The following AGMO variants were observed in gnomAD, a reference collection of about 807,000 sequenced individuals.
AGMO encodes the protein alkylglycerol monooxygenase, also known as glyceryl-ether monooxygenase.
Under a neutral mutation model 60.2 loss-of-function variants are expected in AGMO, and 75 were observed. The ratio of observed to expected loss-of-function variants is 1.25; its 90% CI spans 1.03 to 1.51. The LOEUF (loss-of-function observed/expected upper bound fraction) is 1.51, where lower values mean the gene tolerates loss of function less well. Ranked by LOEUF, AGMO falls within the 40% of genes most tolerant of loss-of-function variation. AGMO has a pLI of 0.00. For synonymous variants in AGMO, 261 were observed against 177.1 expected (o/e 1.47, Z -3.76); for missense variants, 763 against 525.5 (o/e 1.45, Z -4.42).
At chr7:15,432,379 T>TATATATATATATATATATAC (rs373845365) in intron 3 of AGMO, among the ~76,000 whole-genome samples, 29 of 136,170 alleles carry the variant, frequency 2.1e-4, no homozygotes, top group Middle Eastern at 4.0e-3. Flanking sequence ...CATATATATA[T>TATATATATATATATATATAC]ACACTATCTG....
At chr7:15,520,922 A>T (rs1323902987) in intron 3 of AGMO, among the ~76,000 whole-genome samples, 1 of 152,156 alleles carries the variant, frequency 6.6e-6, no homozygotes, top group East Asian at 1.9e-4. Flanking sequence ...AGATTTTTTG[A>T]AAAGATTAAC....
the AGMO span, among the ~76,000 whole-genome samples, chr7:15,169,931 T>C: frequency 2.6e-5 from 4 of 152,226 alleles, no homozygotes; most frequent in African/African-American, 4.8e-5. Flanking sequence ...TAATTCCCTA[T>C]TCCATTAACA....
At chr7:15,376,004 T>G (rs1783437360) in intron 10 of AGMO, among the ~76,000 whole-genome samples, 1 of 152,122 alleles carries the variant, frequency 6.6e-6, no homozygotes, top group Non-Finnish European at 1.5e-5. Flanking sequence ...TTTATCAATG[T>G]ATTTAAATGT....
At chr7:15,384,722 A>G (rs1488005640) in intron 10 of AGMO, among the ~76,000 whole-genome samples, 2 of 151,342 alleles carry the variant, frequency 1.3e-5, no homozygotes, top group East Asian at 1.9e-4. Flanking sequence ...CCTACTTACA[A>G]TTTAGTTACC....
intron 10 of AGMO, among the ~76,000 whole-genome samples, chr7:15,368,017 G>A (rs987751234): frequency 6.6e-6 from 1 of 151,764 alleles, no homozygotes; most frequent in African/African-American, 2.4e-5. Flanking sequence ...CATCTCTCAC[G>A]GCCAACTTCC....
Position 15,358,391 on chromosome 7 carries a change from T to C in AGMO, c.1263+7123A>G, listed in dbSNP as rs756126257. On this transcript the variant is annotated intron_variant, in intron 12 of 12. Transcript: ENST00000342526. ...AGACGAGATGATAACGTGGAAAGGA[T>C]AATAAGAAGGCATAATAATTAGATT... 1.1e-5 allele frequency: 5 copies of C among 471,128 alleles called. 1 individual carries two copies. Among genetic ancestry groups the C allele is most frequent in the South Asian group, 4.7e-5 (3 of 64,478 alleles). The allele number at this position is 471,128 out of a possible 1,614,324, so 29.2% of individuals were successfully genotyped here. A position where few individuals can be genotyped will look rare whatever the true frequency, so the allele number is the denominator to read the frequency against.
intron 3 of AGMO, among the ~76,000 whole-genome samples, chr7:15,541,466 T>C (rs1172767683): frequency 6.6e-6 from 1 of 152,190 alleles, no homozygotes; most frequent in Non-Finnish European, 1.5e-5. Context: ...AAAGCTACTT[T>C]TTAAATTTAA....
At chr7:15,266,053 T>G (rs1317691233) in intron 12 of AGMO, among the ~76,000 whole-genome samples, 1 of 152,120 alleles carries the variant, frequency 6.6e-6, no homozygotes, top group Non-Finnish European at 1.5e-5. Flanking sequence ...TCGATATAAT[T>G]GCACTTATAT....
chr7:15,268,697 T>G (rs563386870), intron 12 of AGMO, among the ~76,000 whole-genome samples: 1 of 152,106 alleles, frequency 6.6e-6, no homozygotes, highest in African/African-American at 2.4e-5. Flanking sequence ...AGTTGTTCTT[T>G]TTTTAAAAAA....
intron 3 of AGMO, among the ~76,000 whole-genome samples, chr7:15,472,069 A>G (rs1375867647): frequency 2.0e-5 from 3 of 151,832 alleles, no homozygotes; most frequent in African/African-American, 7.2e-5. Context: ...TTTTTGATGA[A>G]AACGTTTTGA....
chr7:15,466,107 C>G (rs940813148), intron 3 of AGMO, among the ~76,000 whole-genome samples: 1 of 152,154 alleles, frequency 6.6e-6, no homozygotes, highest in Non-Finnish European at 1.5e-5. Flanking sequence ...AGCCTACTCT[C>G]TAGCCACTGA....
chr7:15,293,007 C>T (rs1479751872), intron 12 of AGMO, among the ~76,000 whole-genome samples: 1 of 152,000 alleles, frequency 6.6e-6, no homozygotes, highest in Non-Finnish European at 1.5e-5. Flanking sequence ...AGGTGATCAG[C>T]CCTACTTGGC....
intron 12 of AGMO, among the ~76,000 whole-genome samples, chr7:15,307,372 G>A (rs1285610735): frequency 6.6e-6 from 1 of 151,934 alleles, no homozygotes; most frequent in African/African-American, 2.4e-5. Context: ...TATAAATATA[G>A]TTCAAAATAT....
chr7:15,382,508 G>A (rs1215263807), intron 10 of AGMO, among the ~76,000 whole-genome samples: 3 of 152,156 alleles, frequency 2.0e-5, no homozygotes, highest in Non-Finnish European at 2.9e-5. Flanking sequence ...CAGAAGAAAT[G>A]TGTCTCCGTG....
At chr7:15,552,277 A>C (rs1262833412) in intron 2 of AGMO, among the ~76,000 whole-genome samples, 1 of 152,236 alleles carries the variant, frequency 6.6e-6, no homozygotes, top group Non-Finnish European at 1.5e-5. Flanking sequence ...CTTCATGTCC[A>C]AAACACCAAA....
the AGMO span, among the ~76,000 whole-genome samples, chr7:15,164,974 T>C: frequency 6.6e-6 from 1 of 152,144 alleles, no homozygotes; most frequent in Non-Finnish European, 1.5e-5. Context: ...AGCAAAGTCA[T>C]GTAATTAACC....
the AGMO span, among the ~76,000 whole-genome samples, chr7:15,117,232 C>T: frequency 0.9 from 137,195 of 151,984 alleles, 62,246 homozygotes; most frequent in East Asian, 1. Flanking sequence ...GGCAAACATA[C>T]AGCCACAGAA....
At chr7:15,169,218 T>C in the AGMO span, among the ~76,000 whole-genome samples, 4,029 of 152,282 alleles carry the variant, frequency 0.026, 161 homozygotes, top group African/African-American at 0.089. Context: ...CAGAACATAC[T>C]TTTGGCTTTG....
Position 15,529,798 on chromosome 7 carries a change from A to C in AGMO, c.409+14974T>G, listed in dbSNP as rs1406714817. Among the ~76,000 whole-genome samples, 159 of 73,094 alleles carry C rather than the reference A, an allele frequency of 2.2e-3. 59 individuals carry two copies. Among genetic ancestry groups the C allele is most frequent in the Non-Finnish European group, 2.6e-3 (110 of 42,260 alleles). The allele number at this position is 73,094 out of a possible 152,430, so 48.0% of individuals were successfully genotyped here. ...TATATTTCTCTATATATATTTCTCT[A>C]TATATATATTCTATATATATATTTC... On this transcript the variant is annotated intron_variant, in intron 3 of 12. Coordinates refer to ENST00000342526, the MANE Select transcript of AGMO (RefSeq NM_001004320.2).
Sources: allele counts gnomAD v4.1 joint callset (sites outside exome capture counted in the v4.1 genomes callset), GRCh38; gene constraint gnomAD v4.1.1; transcripts MANE v1.5; gene names NCBI Gene and HGNC (gene_info 2026-07-23, HGNC 2026-07-21).